AP4S1: variants seen among roughly 807,000 people sequenced by gnomAD.
The protein encoded by AP4S1 is AP-4 complex subunit sigma-1.
AP4S1 carries 23 observed loss-of-function variants against 19.8 expected under a neutral mutation model. The ratio of observed to expected loss-of-function variants is 1.16; its 90% CI spans 0.84 to 1.65. The LOEUF is 1.65. AP4S1 is among the 40% of genes most tolerant of loss of function. The pLI, the probability that AP4S1 is intolerant of heterozygous loss-of-function variation, is 0.00. For synonymous variants in AP4S1, 46 were observed against 54.1 expected, an observed-to-expected ratio of 0.85 and a Z score of 0.66; for missense variants, 166 against 172.8, an observed-to-expected ratio of 0.96 and a Z score of 0.22.
At chr14:31,026,135 A>G in intron 1 of AP4S1, 1 of 1,495,352 alleles carries the variant, frequency 6.7e-7, no homozygotes, top group Non-Finnish European at 8.9e-7. Flanking sequence ...GCTGCCGGGG[A>G]GGGGCCGCCA....
chr14:31,063,318 T>C (rs1054994992), intron 1 of AP4S1, among the ~76,000 whole-genome samples: 9 of 152,060 alleles, frequency 5.9e-5, no homozygotes, highest in African/African-American at 2.2e-4. Context: ...TAATCTTAGC[T>C]ACTCAGGAGG....
intron 3 of AP4S1, among the ~76,000 whole-genome samples, chr14:31,072,249 T>C (rs921186784): frequency 6.6e-6 from 1 of 152,108 alleles, no homozygotes; most frequent in African/African-American, 2.4e-5. Context: ...CCTATTTTTT[T>C]ATTTTTTGTA....
Position 31,070,910 on chromosome 14 carries a change from G to C in AP4S1, c.225+981G>C, listed in dbSNP as rs531726987. On this transcript the variant is annotated intron_variant, in intron 3 of 5. Coordinates refer to ENST00000542754, the MANE Select transcript of AP4S1 (RefSeq NM_001128126.3). ...TACTAAAAATACAAAAAATTAGCTG[G>C]GCGTGGTGGCGGGCGCCTGTAGTCC... is the stretch of plus-strand genomic sequence containing the variant. 4.6e-5 allele frequency among the ~76,000 whole-genome samples: 7 copies of C among 152,204 alleles called. No individual in the cohort carries two copies. In the East Asian group the frequency reaches 1.4e-3, roughly 29 times the overall value.
intron 5 of AP4S1, among the ~76,000 whole-genome samples, chr14:31,088,512 T>TA (rs1386340687): frequency 6.6e-6 from 1 of 151,870 alleles, no homozygotes; most frequent in East Asian, 1.9e-4. Context: ...AAACCTACTT[T>TA]AAAAAAAGAT....
intron 1 of AP4S1, among the ~76,000 whole-genome samples, chr14:31,054,891 A>C (rs1050694670): frequency 6.7e-5 from 10 of 148,776 alleles, no homozygotes; most frequent in East Asian, 3.9e-4. Context: ...AAAAAAAAAA[A>C]AAAAACAGTG....
At chr14:31,073,031 G>T in intron 4 of AP4S1, 58 bp downstream of exon 4, 1 of 1,398,806 alleles carries the variant, frequency 7.1e-7, no homozygotes, top group Non-Finnish European at 1.0e-6. Flanking sequence ...CAGAAATTGA[G>T]TCTCTTTGGA....
chr14:31,055,439 C>A (rs979501919), intron 1 of AP4S1, among the ~76,000 whole-genome samples: 1 of 152,126 alleles, frequency 6.6e-6, no homozygotes, highest in Admixed American at 6.6e-5. Flanking sequence ...TGTTACATAT[C>A]CTAACTCCTT....
At chr14:31,060,648 C>G (rs1886386525) in intron 1 of AP4S1, among the ~76,000 whole-genome samples, 1 of 152,194 alleles carries the variant, frequency 6.6e-6, no homozygotes, top group Admixed American at 6.6e-5. Context: ...AAAATACTTG[C>G]TGGTTTCAGC....
At chr14:31,072,324 C>T (rs1887056824) in intron 3 of AP4S1, among the ~76,000 whole-genome samples, 1 of 152,174 alleles carries the variant, frequency 6.6e-6, no homozygotes, top group African/African-American at 2.4e-5. Context: ...GATCCTCCCA[C>T]CTCGGCCTCC....
rs1460117921 is a variant in AP4S1, at chr14:31,096,117, A to AGT, written c.*3082_*3083insGT. 16 of 151,000 alleles carry AGT rather than the reference A, an allele frequency of 1.1e-4. No homozygotes were observed. The highest frequency in any genetic ancestry group is 3.9e-4 in the African/African-American group (16 of 41,072). The allele number at this position is 151,000 out of a possible 1,614,324, so 9.4% of individuals were successfully genotyped here. Reference sequence around the variant, plus strand: ...AAAAAAAAAAAAAAAAAAAAGTAGAAAGCAAGAAAGTGTCTCTGTACAGGT... The same window carrying AGT: ...AAAAAAAAAAAAAAAAAAAAGTAGAAGTAGCAAGAAAGTGTCTCTGTACAGGT... On this transcript the variant is annotated 3_prime_UTR_variant, in exon 6 of 6. Coordinates refer to ENST00000542754, the MANE Select transcript of AP4S1 (RefSeq NM_001128126.3).
intron 1 of AP4S1, among the ~76,000 whole-genome samples, chr14:31,049,222 G>A (rs1885596010): frequency 1.3e-5 from 2 of 151,258 alleles, no homozygotes; most frequent in Admixed American, 1.3e-4. Context: ...GACCATCCTG[G>A]CTAACACGGT....
chr14:31,035,638 C>CT (rs59967096), intron 1 of AP4S1, among the ~76,000 whole-genome samples: 20,167 of 133,464 alleles, frequency 0.15, 2,794 homozygotes, highest in African/African-American at 0.36. Flanking sequence ...GTTTTTAGGT[C>CT]TTTTTTTTTT....
At chr14:31,085,402 T>C (rs1338811430) in intron 5 of AP4S1, 1 of 988,006 alleles carries the variant, frequency 1.0e-6, no homozygotes, top group African/African-American at 1.7e-5. Context: ...CTACTTTGTA[T>C]TCTTGTGAGG....
At chr14:31,082,644 C>A (rs1887696981) in intron 5 of AP4S1, among the ~76,000 whole-genome samples, 2 of 152,154 alleles carry the variant, frequency 1.3e-5, no homozygotes, top group South Asian at 4.1e-4. Flanking sequence ...CGCCTGTAAT[C>A]CCAGCACTTT....
rs917124188 is a variant in AP4S1 at position 31,080,562 on chromosome 14, C to G, written c.295-11C>G. ...TTTTTCTAACCCTTGCACTCTTTTTCTGTCTTCCAGAGTGAATTAGATGTA... is the reference window on the plus strand; with the variant it reads ...TTTTTCTAACCCTTGCACTCTTTTTGTGTCTTCCAGAGTGAATTAGATGTA... On this transcript the variant is annotated splice_polypyrimidine_tract_variant and intron_variant, in intron 4 of 5. Coordinates refer to ENST00000542754, the MANE Select transcript of AP4S1 (RefSeq NM_001128126.3). The G allele has an allele frequency of 5.0e-6, 8 of 1,608,778 alleles. No individual in the cohort carries two copies. Among genetic ancestry groups the G allele is most frequent in the Non-Finnish European group, 6.8e-6 (8 of 1,175,482 alleles).
intron 1 of AP4S1, among the ~76,000 whole-genome samples, chr14:31,042,538 A>G (rs865862889): frequency 5.3e-5 from 8 of 152,300 alleles, no homozygotes; most frequent in African/African-American, 1.9e-4. Context: ...CACTCCACAG[A>G]CACAGAGATG....
At chr14:31,063,590 A>G (rs1057235416) in intron 1 of AP4S1, among the ~76,000 whole-genome samples, 2 of 152,184 alleles carry the variant, frequency 1.3e-5, no homozygotes, top group African/African-American at 4.8e-5. Flanking sequence ...ACTGTACTCC[A>G]GCCTGGGCCA....
intron 1 of AP4S1, among the ~76,000 whole-genome samples, chr14:31,059,039 C>CA (rs1297694065): frequency 3.3e-5 from 5 of 152,250 alleles, no homozygotes; most frequent in Non-Finnish European, 2.9e-5. Flanking sequence ...ATGATAGGTG[C>CA]TTACAGCATT....
At chr14:31,071,858 G>GGC (rs1400214192) in intron 3 of AP4S1, among the ~76,000 whole-genome samples, 2 of 151,824 alleles carry the variant, frequency 1.3e-5, no homozygotes, top group African/African-American at 4.8e-5. Context: ...TAAGACTACA[G>GGC]GCGCACACCA....
Sources: allele counts gnomAD v4.1 joint callset (sites outside exome capture counted in the v4.1 genomes callset), GRCh38; gene constraint gnomAD v4.1.1; transcripts MANE v1.5; gene names NCBI Gene and HGNC (gene_info 2026-07-23, HGNC 2026-07-21).